Variants in FUT9 observed in about 807,000 individuals in gnomAD.
The protein encoded by FUT9 is fucosyltransferase 9.
Under a neutral mutation model 29.7 loss-of-function variants are expected in FUT9, and 15 were observed. That is an observed-to-expected ratio of 0.51 (90% CI 0.34 to 0.78). The LOEUF (loss-of-function observed/expected upper bound fraction) is 0.78, where lower values mean the gene tolerates loss of function less well. Among genes scored for constraint, FUT9 ranks in the 30% least tolerant of loss-of-function variants. FUT9 has a pLI of 0.01. For synonymous variants in FUT9, 169 were observed against 153.7 expected (o/e 1.10, Z -0.74); for missense variants, 319 against 425.4 (o/e 0.75, Z 2.20).
At chr6:96,099,056 C>T (rs1771545347) in intron 1 of FUT9, among the ~76,000 whole-genome samples, 1 of 152,126 alleles carries the variant, frequency 6.6e-6, no homozygotes, top group Admixed American at 6.6e-5. Flanking sequence ...TCTGTATTAT[C>T]AGAACCTTAT....
intron 2 of FUT9, among the ~76,000 whole-genome samples, chr6:96,182,732 G>A (rs564119018): frequency 4.8e-4 from 73 of 152,026 alleles, no homozygotes; most frequent in Middle Eastern, 3.4e-3. Flanking sequence ...TTGCTTTGTC[G>A]AAGATCAGTT....
chr6:96,142,907 A>G (rs1173397394), intron 2 of FUT9, among the ~76,000 whole-genome samples: 1 of 152,176 alleles, frequency 6.6e-6, no homozygotes, highest in East Asian at 1.9e-4. Flanking sequence ...TAATTATAAA[A>G]TAAAGTCATA....
At chr6:96,194,060 A>G (rs1215535355) in intron 2 of FUT9, among the ~76,000 whole-genome samples, 1 of 152,162 alleles carries the variant, frequency 6.6e-6, no homozygotes, top group Non-Finnish European at 1.5e-5. Flanking sequence ...TAGTAGTGTC[A>G]GGGGAGAGGG....
chr6:96,037,472 T>G (rs1770383256), intron 1 of FUT9: 1 of 152,064 alleles, frequency 6.6e-6, no homozygotes, highest in Non-Finnish European at 1.5e-5. Context: ...CATATGATCC[T>G]TTGAAGAGAA....
At chr6:96,058,806 A>T (rs1460593083) in intron 1 of FUT9, among the ~76,000 whole-genome samples, 1 of 152,144 alleles carries the variant, frequency 6.6e-6, no homozygotes. Context: ...TGATGATATT[A>T]TCTGTACTGA....
intron 1 of FUT9, among the ~76,000 whole-genome samples, chr6:96,080,429 G>C (rs894822103): frequency 6.6e-6 from 1 of 151,904 alleles, no homozygotes; most frequent in African/African-American, 2.4e-5. Flanking sequence ...AGTGAAAGAA[G>C]AAAGAACTGA....
intron 2 of FUT9, among the ~76,000 whole-genome samples, chr6:96,165,615 C>T (rs1773001821): frequency 6.6e-6 from 1 of 151,614 alleles, no homozygotes; most frequent in East Asian, 1.9e-4. Context: ...GTGACTGTCA[C>T]TTGTGCATTT....
intron 2 of FUT9, among the ~76,000 whole-genome samples, chr6:96,120,518 C>T (rs1327029387): frequency 6.7e-6 from 1 of 148,486 alleles, no homozygotes; most frequent in Non-Finnish European, 1.5e-5. Context: ...CTCCTGACCT[C>T]GTGATCCGCC....
In FUT9 at chr6:96,151,309, A is replaced by T. The variant is rs145376187; in HGVS notation, c.-9+37182A>T. Reference sequence around the variant, plus strand: ...AGGCCATTATAATTATGTATAATAGAATTTTTTTTCCAAAATACATTACAA... The same window carrying T: ...AGGCCATTATAATTATGTATAATAGTATTTTTTTTCCAAAATACATTACAA... On this transcript the variant is annotated intron_variant, in intron 2 of 2. Transcript: ENST00000302103. 5.9e-5 allele frequency among the ~76,000 whole-genome samples: 9 copies of T among 152,290 alleles called. No individual in the cohort carries two copies. In the East Asian group the frequency reaches 1.5e-3, roughly 26 times the overall value.
intron 2 of FUT9, among the ~76,000 whole-genome samples, chr6:96,136,582 C>A (rs139469607): frequency 4.0e-5 from 6 of 151,844 alleles, no homozygotes; most frequent in African/African-American, 1.4e-4. Flanking sequence ...CATTGGCAAT[C>A]CTTTTGAATA....
At chr6:96,193,989 T>C (rs1328712443) in intron 2 of FUT9, among the ~76,000 whole-genome samples, 1 of 151,966 alleles carries the variant, frequency 6.6e-6, no homozygotes, top group Non-Finnish European at 1.5e-5. Flanking sequence ...CACTCATAGG[T>C]GGGAATTGAA....
At chr6:96,193,902 A>C (rs1037294776) in intron 2 of FUT9, among the ~76,000 whole-genome samples, 1 of 152,208 alleles carries the variant, frequency 6.6e-6, no homozygotes. Flanking sequence ...TGTCCTTTGT[A>C]GGGACATGGA....
chr6:96,102,574 A>T lies in FUT9; in HGVS notation c.-97-11465A>T, dbSNP rs1771606356. On this transcript the variant is annotated intron_variant, in intron 1 of 2. Coordinates refer to ENST00000302103, the MANE Select transcript of FUT9 (RefSeq NM_006581.4). ...TGGGCCATGAGTTCACTTTTGAGAC[A>T]CATTTTGCTACAATACAGTCATCTT... Among the ~76,000 whole-genome samples, 4 of 152,186 alleles carry T rather than the reference A, an allele frequency of 2.6e-5. No homozygotes were observed. The South Asian group carries it at 8.3e-4, about 31-fold the overall frequency.
intron 2 of FUT9, among the ~76,000 whole-genome samples, chr6:96,153,594 A>G (rs1047426048): frequency 2.6e-5 from 4 of 152,190 alleles, no homozygotes; most frequent in Non-Finnish European, 5.9e-5. Flanking sequence ...CTACAATGGT[A>G]TCTGAATCAA....
intron 1 of FUT9, among the ~76,000 whole-genome samples, chr6:96,067,960 G>C (rs1770991714): frequency 6.6e-6 from 1 of 152,014 alleles, no homozygotes; most frequent in South Asian, 2.1e-4. Flanking sequence ...AGTATAATAG[G>C]TGTTGAATGA....
intron 2 of FUT9, among the ~76,000 whole-genome samples, chr6:96,197,445 A>G (rs1328383088): frequency 2.0e-5 from 3 of 152,020 alleles, no homozygotes; most frequent in Non-Finnish European, 4.4e-5. Flanking sequence ...TCATGCCAAA[A>G]GTAAATGGCA....
chr6:96,179,297 A>G (rs1773264313), intron 2 of FUT9, among the ~76,000 whole-genome samples: 1 of 152,140 alleles, frequency 6.6e-6, no homozygotes, highest in South Asian at 2.1e-4. Context: ...TGTACCAGAA[A>G]TTGTGCTAAG....
chr6:96,018,069 A>G (rs1049495880), intron 1 of FUT9, among the ~76,000 whole-genome samples: 13 of 152,328 alleles, frequency 8.5e-5, no homozygotes, highest in Admixed American at 5.9e-4. Flanking sequence ...GTAAATGTGG[A>G]TAGCCGCATT....
chr6:96,054,896 A>G (rs976213365), intron 1 of FUT9, among the ~76,000 whole-genome samples: 4 of 152,122 alleles, frequency 2.6e-5, no homozygotes, highest in Admixed American at 1.3e-4. Context: ...CTAAAGAAAT[A>G]TTAGTGGTCA....
Sources: gnomAD v4.1 joint callset for allele counts (sites outside exome capture counted in the v4.1 genomes callset) on GRCh38, gnomAD v4.1.1 for gene constraint, MANE v1.5 for transcripts, NCBI Gene and HGNC (gene_info 2026-07-23, HGNC 2026-07-21) for gene names.